The following SNX10 variants were observed in gnomAD, a reference collection of about 807,000 sequenced individuals.
SNX10 encodes sorting nexin 10, also known as sorting nexin-10.
SNX10 carries 25 observed loss-of-function variants against 28.5 expected under a neutral mutation model. The ratio of observed to expected loss-of-function variants is 0.88; its 90% CI spans 0.64 to 1.22. SNX10 has a LOEUF of 1.22. SNX10 is among the 50% of genes most tolerant of loss of function. SNX10 has a pLI of 0.00. For missense variants in SNX10, 223 were observed against 242.6 expected (o/e 0.92, Z 0.54); for synonymous variants, 62 against 81.4 (o/e 0.76, Z 1.28).
In SNX10 at chr7:26,364,585, T is replaced by C. The variant is rs377321694; in HGVS notation, c.162T>C (p.Tyr54=). 5.1e-5 allele frequency: 83 copies of C among 1,613,904 alleles called. No homozygotes were observed. The highest frequency in any genetic ancestry group is 6.7e-5 in the African/African-American group (5 of 74,918). Residue 54 remains tyrosine (Y), a synonymous_variant, in exon 4 of 7, where the codon TAT becomes TAC. Coordinates refer to ENST00000338523, the MANE Select transcript of SNX10 (RefSeq NM_013322.3). This position sits in a 1 kb window ranked among gnomAD's most constrained non-coding sequence, Gnocchi z 4.9. The part of the protein sequence containing the change: ...TMKTSCVRRR[Y]REFVWLRQRL... Reference sequence around the variant, plus strand: ...AAACATCCTGTGTACGAAGAAGATATAGAGAATTCGTGTGGCTGAGGCAGA... The same window carrying C: ...AAACATCCTGTGTACGAAGAAGATACAGAGAATTCGTGTGGCTGAGGCAGA...
chr7:26,297,609 A>T (rs981062901), intron 1 of SNX10, among the ~76,000 whole-genome samples: 1 of 151,908 alleles, frequency 6.6e-6, no homozygotes, highest in Non-Finnish European at 1.5e-5. Context: ...GGCAGGTGGG[A>T]TTTCCCCCAG....
At chr7:26,361,756 C>T (rs1789080723) in intron 3 of SNX10, among the ~76,000 whole-genome samples, 1 of 152,344 alleles carries the variant, frequency 6.6e-6, no homozygotes, top group African/African-American at 2.4e-5. Context: ...AAAGCAGCCA[C>T]AGACAGTGCA....
chr7:26,313,235 G>T (rs144653303), intron 1 of SNX10, among the ~76,000 whole-genome samples: 169 of 152,298 alleles, frequency 1.1e-3, no homozygotes, highest in African/African-American at 3.7e-3. Context: ...ATTTTATTGT[G>T]ATTAGAATAC....
At chr7:26,335,901 G>A (rs1268952457) in intron 1 of SNX10, among the ~76,000 whole-genome samples, 3 of 151,404 alleles carry the variant, frequency 2.0e-5, no homozygotes, top group South Asian at 4.2e-4. Flanking sequence ...CCGCCACTGC[G>A]CCCGGCTAAT....
chr7:26,364,724 AT>A lies in SNX10; in HGVS notation c.212+94del. On this transcript the variant is annotated intron_variant, in intron 4 of 6. Coordinates refer to ENST00000338523, the MANE Select transcript of SNX10 (RefSeq NM_013322.3). This position sits in a 1 kb window ranked among gnomAD's most constrained non-coding sequence, Gnocchi z 4.9. ...CATTAAGATATATAAGATATGAAGGATTTTTATAGGCTTTTGCCTTGATTAC... is the reference window on the plus strand; with the variant it reads ...CATTAAGATATATAAGATATGAAGGATTTTATAGGCTTTTGCCTTGATTAC... 1 of 904,234 alleles carries A rather than the reference AT, an allele frequency of 1.1e-6. No individual in the cohort carries two copies. The highest frequency in any genetic ancestry group is 1.7e-6 in the Non-Finnish European group (1 of 596,278). The allele number at this position is 904,234 out of a possible 1,614,324, so 56.0% of individuals were successfully genotyped here. A position where few individuals can be genotyped will look rare whatever the true frequency, so the allele number is the denominator to read the frequency against.
intron 1 of SNX10, among the ~76,000 whole-genome samples, chr7:26,340,473 T>C (rs1352637380): frequency 6.6e-6 from 1 of 152,222 alleles, no homozygotes; most frequent in African/African-American, 2.4e-5. Flanking sequence ...TTTATAGAAT[T>C]TTATCTTTGC....
rs547646122 is a variant in SNX10, at chr7:26,352,167, A to G, written c.24+5701A>G. ...TTATTTTAAAACAAATATCATTGACATATATATGCTCACATAAAAAGATTC... is the reference window on the plus strand; with the variant it reads ...TTATTTTAAAACAAATATCATTGACGTATATATGCTCACATAAAAAGATTC... On this transcript the variant is annotated intron_variant, in intron 2 of 6. Coordinates refer to ENST00000338523, the MANE Select transcript of SNX10 (RefSeq NM_013322.3). Among the ~76,000 whole-genome samples the G allele has an allele frequency of 3.3e-5, 5 of 152,352 alleles. No homozygotes were observed. In the East Asian group the frequency reaches 7.7e-4, roughly 23 times the overall value.
intron 5 of SNX10, among the ~76,000 whole-genome samples, chr7:26,371,520 T>C (rs1283369382): frequency 6.6e-6 from 1 of 152,176 alleles, no homozygotes; most frequent in Admixed American, 6.5e-5. Context: ...GCAAAATATT[T>C]CCATAATTAA....
Position 26,365,129 on chromosome 7 carries a change from G to T in SNX10, c.295G>T (p.Glu99Ter). 6.2e-7 allele frequency: 1 copy of T among 1,610,682 alleles called. No homozygotes were observed. The highest frequency in any genetic ancestry group is 1.1e-5 in the South Asian group (1 of 90,998). Residue 99 changes from glutamate (E) to a stop codon, truncating the protein, a stop_gained, in exon 5 of 7, where the codon GAA becomes TAA. Transcript: ENST00000338523. LOFTEE classifies it high-confidence loss of function. Reference sequence around the variant, plus strand: ...CGTGGATCAGCGTCGCCAGGGTCTGGAAGATTTCCTCAGAAAGTGAGTGTC... The same window carrying T: ...CGTGGATCAGCGTCGCCAGGGTCTGTAAGATTTCCTCAGAAAGTGAGTGTC... ...QHVDQRRQGL[E>*]DFLRKVLQNA... is the part of the protein sequence containing the mutation.
chr7:26,311,307 G>C (rs1562788503), intron 1 of SNX10, among the ~76,000 whole-genome samples: 1 of 152,128 alleles, frequency 6.6e-6, no homozygotes, highest in Non-Finnish European at 1.5e-5. Flanking sequence ...GCGCCACTAG[G>C]CCTGGCTAAT....
chr7:26,305,027 T>A (rs118071463), intron 1 of SNX10, among the ~76,000 whole-genome samples: 1 of 152,148 alleles, frequency 6.6e-6, no homozygotes, highest in African/African-American at 2.4e-5. Flanking sequence ...CTTTCTTTTT[T>A]ACCTTGGTGT....
In SNX10 at chr7:26,308,667, C is replaced by A. The variant is rs185448109; in HGVS notation, c.-24+16581C>A. 9.7e-4 allele frequency among the ~76,000 whole-genome samples: 147 copies of A among 152,226 alleles called. 1 individual carries two copies. Among genetic ancestry groups the A allele is most frequent in the Admixed American group, 3.6e-3 (55 of 15,288 alleles). ...CCTTTGTACTATCCTTTATAATAAA[C>A]CAGTAATAAGTTTTGTGAGCCGCTC... On this transcript the variant is annotated intron_variant, in intron 1 of 6. Coordinates refer to ENST00000338523, the MANE Select transcript of SNX10 (RefSeq NM_013322.3).
chr7:26,362,961 A>G (rs1337479147), intron 3 of SNX10, among the ~76,000 whole-genome samples: 1 of 152,162 alleles, frequency 6.6e-6, no homozygotes, highest in East Asian at 1.9e-4. Context: ...CAGAGAAATT[A>G]AAGGGAATTT....
At chr7:26,300,173 T>C (rs1485208487) in intron 1 of SNX10, among the ~76,000 whole-genome samples, 1 of 152,098 alleles carries the variant, frequency 6.6e-6, no homozygotes, top group African/African-American at 2.4e-5. Flanking sequence ...ATTATGCCAC[T>C]GCACTCTAGC....
chr7:26,356,322 G>A (rs1249668094), intron 2 of SNX10, among the ~76,000 whole-genome samples: 1 of 152,284 alleles, frequency 6.6e-6, no homozygotes, highest in Non-Finnish European at 1.5e-5. Flanking sequence ...AGTCATTAAA[G>A]TGTTTAATAA....
chr7:26,334,640 A>G (rs1787856283), intron 1 of SNX10, among the ~76,000 whole-genome samples: 1 of 152,236 alleles, frequency 6.6e-6, no homozygotes, highest in African/African-American at 2.4e-5. Flanking sequence ...TGGAACTTGT[A>G]TGTCATAGAG....
At chr7:26,313,183 A>G (rs1450332564) in intron 1 of SNX10, among the ~76,000 whole-genome samples, 1 of 152,216 alleles carries the variant, frequency 6.6e-6, no homozygotes, top group Non-Finnish European at 1.5e-5. Flanking sequence ...CTAACTAAAA[A>G]CCATTTAGCA....
At chr7:26,345,284 C>T (rs1408433431) in intron 1 of SNX10, among the ~76,000 whole-genome samples, 1 of 152,174 alleles carries the variant, frequency 6.6e-6, no homozygotes, top group Non-Finnish European at 1.5e-5. Context: ...GGCCTGGTCA[C>T]GATCTCTGGA....
chr7:26,306,965 T>C (rs972418553), intron 1 of SNX10, among the ~76,000 whole-genome samples: 3 of 152,134 alleles, frequency 2.0e-5, no homozygotes, highest in African/African-American at 7.2e-5. Flanking sequence ...CACAACCAGG[T>C]GGTCTGGAGT....
Sources: gnomAD v4.1 joint callset for allele counts (sites outside exome capture counted in the v4.1 genomes callset) on GRCh38, gnomAD v4.1.1 for gene constraint, Gnocchi (gnomAD v3.1) non-coding constraint, MANE v1.5 for transcripts, NCBI Gene and HGNC (gene_info 2026-07-23, HGNC 2026-07-21) for gene names.